ARHGAP4: variants seen among roughly 807,000 people sequenced by gnomAD.
The protein encoded by ARHGAP4 is Rho GTPase activating protein 4, also known as rho GTPase-activating protein 4.
Under a neutral mutation model 67.6 loss-of-function variants are expected in ARHGAP4, and 25 were observed. The observed-to-expected ratio is 0.37, with a 90% confidence interval of 0.27 to 0.52. The LOEUF is 0.52. Among genes scored for constraint, ARHGAP4 ranks in the 20% least tolerant of loss-of-function variants. ARHGAP4 has a pLI of 0.92. For synonymous variants in ARHGAP4, 448 were observed against 373.7 expected (o/e 1.20, Z -2.29); for missense variants, 804 against 854.6 (o/e 0.94, Z 0.74).
rs1557103879 is a variant in ARHGAP4 at position 153,913,890 on chromosome X, C to T, written c.1033-11G>A. 1 of 1,205,576 alleles carries T rather than the reference C, an allele frequency of 8.3e-7. No homozygotes were observed. On this transcript the variant is annotated splice_polypyrimidine_tract_variant and intron_variant, in intron 7 of 21. Coordinates refer to ENST00000350060, the MANE Select transcript of ARHGAP4 (RefSeq NM_001666.5). ...GCAGATCTCAGCCACCTGCAGAGGG[C>T]GGCGGCCAGGGGGCTAAGGGCTGGG... is the stretch of plus-strand genomic sequence containing the variant.
intron 1 of ARHGAP4, among the ~76,000 whole-genome samples, chrX:153,925,296 G>A (rs1365117819): frequency 8.9e-6 from 1 of 111,854 alleles, no homozygotes. Flanking sequence ...GCACTTCAAG[G>A]GTCATTGCAT....
At chrX:153,925,915 A>C (rs1422257999) in intron 1 of ARHGAP4, among the ~76,000 whole-genome samples, 2 of 112,985 alleles carry the variant, frequency 1.8e-5, no homozygotes, top group Non-Finnish European at 3.8e-5. Context: ...ACAGAGACCA[A>C]AGGAAGGAAG....
intron 4 of ARHGAP4, 136 bp from the exon 5 acceptor site, chrX:153,920,944 G>A: frequency 1.1e-6 from 1 of 944,407 alleles, no homozygotes; most frequent in Non-Finnish European, 1.4e-6. Context: ...CTAACGCCCT[G>A]TGCCTAGGGA....
chrX:153,915,051 G>C (rs1487471410), intron 7 of ARHGAP4, among the ~76,000 whole-genome samples: 3 of 112,403 alleles, frequency 2.7e-5, no homozygotes, highest in Non-Finnish European at 5.6e-5. Flanking sequence ...TCACAGAGTA[G>C]AAAGTAAGGC....
At chrX:153,919,097 CA>C in intron 6 of ARHGAP4, 44 bp from the exon 7 acceptor site, 1 of 1,210,452 alleles carries the variant, frequency 8.3e-7, no homozygotes, top group Non-Finnish European at 1.1e-6. Context: ...CCTGGAGCCA[CA>C]GCTTCCCAGC....
chrX:153,910,121 G>T (rs782238838), intron 17 of ARHGAP4, 36 bp from the exon 18 acceptor site: 2 of 1,208,390 alleles, frequency 1.7e-6, no homozygotes, highest in Non-Finnish European at 2.2e-6. Flanking sequence ...GATGAGGGGG[G>T]CTCTTCTCCA....
rs945157891 is a variant in ARHGAP4 at position 153,913,205 on chromosome X, G to A, written c.1411+13C>T. 1.9e-5 allele frequency: 22 copies of A among 1,167,259 alleles called. No individual in the cohort carries two copies. The East Asian group carries it at 6.8e-4, about 36-fold the overall frequency. On this transcript the variant is annotated intron_variant, in intron 10 of 21. Coordinates refer to ENST00000350060, the MANE Select transcript of ARHGAP4 (RefSeq NM_001666.5). ...CAGGGGAGAGGCGGGGAAGGGGGCA[G>A]CACTGGGCCCACCTCGCTGAAGGGC...
chrX:153,921,776 C>A lies in ARHGAP4; in HGVS notation c.101G>T (p.Cys34Phe). The A allele has an allele frequency of 1.7e-6, 2 of 1,198,312 alleles. No individual in the cohort carries two copies. The highest frequency in any genetic ancestry group is 3.6e-5 in the South Asian group (2 of 55,331). The change falls in exon 2 of 22, where the codon TGC (cysteine) becomes TTC (phenylalanine). Residue 34 changes from cysteine (C) to phenylalanine (F), a missense_variant. Transcript: ENST00000350060. ...MRWQLSEQLRCLELQGELRRE... is the reference protein window; with the variant it reads ...MRWQLSEQLRFLELQGELRRE... ...CCGCAGCTCGCCCTGCAGCTCCAGG[C>A]AGCGCAGCTGCTCGCTCAGCTGCCA...
At chrX:153,912,211 G>A (rs782079159) in intron 12 of ARHGAP4, among the ~76,000 whole-genome samples, 18 of 108,704 alleles carry the variant, frequency 1.7e-4, no homozygotes, top group Admixed American at 1.3e-3. Flanking sequence ...TAGTAGAGAC[G>A]GGGTTTCACC....
chrX:153,915,824 T>C (rs1461802927), intron 7 of ARHGAP4, among the ~76,000 whole-genome samples: 4 of 111,568 alleles, frequency 3.6e-5, no homozygotes, highest in Non-Finnish European at 7.5e-5. Context: ...CTGGGGAACA[T>C]TGAAATTTTA....
Position 153,921,512 on chromosome X carries a change from G to A in ARHGAP4, c.288C>T (p.Leu96=), listed in dbSNP as rs782777794. 3.3e-6 allele frequency: 4 copies of A among 1,195,318 alleles called. No homozygotes were observed. The highest frequency in any genetic ancestry group is 4.5e-6 in the Non-Finnish European group (4 of 886,735). ...CCGCCCAGCAGTGCAAGGGCGACAG[G>A]AGGGACGGCTCCTTCCTGGGGGTAG... The part of the protein sequence containing the change: ...EHQSFRKEPS[L]LSPLHCWAVL... Residue 96 remains leucine (L), a synonymous_variant, in exon 3 of 22, where the codon CTC becomes CTT. Coordinates refer to ENST00000350060, the MANE Select transcript of ARHGAP4 (RefSeq NM_001666.5).
intron 20 of ARHGAP4, 121 bp downstream of exon 20, chrX:153,909,322 T>C (rs1194468220): frequency 6.6e-5 from 58 of 879,235 alleles, no homozygotes; most frequent in Non-Finnish European, 8.9e-5. Flanking sequence ...ACAAGCTGGG[T>C]CATTCTGTCA....
intron 12 of ARHGAP4, among the ~76,000 whole-genome samples, chrX:153,912,420 C>T (rs782695966): frequency 1.3e-4 from 15 of 111,998 alleles, no homozygotes; most frequent in African/African-American, 3.9e-4. Flanking sequence ...GGCCAGAAGT[C>T]GCAGGGGAGA....
chrX:153,909,334 GTCC>G, intron 20 of ARHGAP4, 106 bp downstream of exon 20: 1 of 891,994 alleles, frequency 1.1e-6, no homozygotes, highest in Non-Finnish European at 1.5e-6. Context: ...ATTCTGTCAC[GTCC>G]TCATCTGCCA....
In ARHGAP4 at chrX:153,913,435, G is replaced by C; in HGVS notation, c.1300C>G (p.Gln434Glu). The C allele has an allele frequency of 8.3e-7, 1 of 1,211,054 alleles. No individual in the cohort carries two copies. Among genetic ancestry groups the C allele is most frequent in the Non-Finnish European group, 1.1e-6 (1 of 895,157 alleles). Residue 434 changes from glutamine to glutamate, a missense_variant, in exon 9 of 22, where the codon CAG becomes GAG. Coordinates refer to ENST00000350060, the MANE Select transcript of ARHGAP4 (RefSeq NM_001666.5). ...GTGAGGTAGAAGGTTTCGGTCTCCT[G>C]CTGCTGGCCGCGCCTCCGGCCCGCC... ...RQAGRRRGQQ[Q>E]ETETFYLTKL... is the part of the protein sequence containing the mutation.
At chrX:153,917,036 T>C (rs1002822730) in intron 7 of ARHGAP4, among the ~76,000 whole-genome samples, 2 of 111,188 alleles carry the variant, frequency 1.8e-5, no homozygotes, top group African/African-American at 6.6e-5. Context: ...GACAATATGG[T>C]GAAACCCTGT....
chrX:153,921,652 G>C lies in ARHGAP4; in HGVS notation c.225C>G (p.Ser75=). Residue 75 remains serine (S), a synonymous_variant, in exon 2 of 22, where the codon TCC becomes TCG. Transcript: ENST00000350060. ...RGLEKLAERF[S]SRGGRLGSSR... The stretch of plus-strand genomic sequence containing the variant: ...TGCTCCCCAGGCGGCCTCCACGGCT[G>C]GAGAAGCGCTCGGCCAGCTTTTCCA... The C allele has an allele frequency of 8.3e-7, 1 of 1,209,726 alleles. No homozygotes were observed. Among genetic ancestry groups the C allele is most frequent in the East Asian group, 3.0e-5 (1 of 33,800 alleles).
At chrX:153,917,733 AGAGT>A (rs1465336263) in intron 7 of ARHGAP4, among the ~76,000 whole-genome samples, 1 of 112,607 alleles carries the variant, frequency 8.9e-6, no homozygotes, top group Admixed American at 9.4e-5. Flanking sequence ...CCGAGGGGAC[AGAGT>A]GAGACCCTGT....
intron 1 of ARHGAP4, among the ~76,000 whole-genome samples, chrX:153,923,469 C>T (rs1603288084): frequency 2.7e-5 from 3 of 112,050 alleles, no homozygotes; most frequent in African/African-American, 9.7e-5. Flanking sequence ...TCACCCATCC[C>T]TCTGTCCCTC....
Sources: gnomAD v4.1 joint callset for allele counts (sites outside exome capture counted in the v4.1 genomes callset) on GRCh38, gnomAD v4.1.1 for gene constraint, MANE v1.5 for transcripts, NCBI Gene and HGNC (gene_info 2026-07-23, HGNC 2026-07-21) for gene names.